The following ATP2B2 variants were observed in gnomAD, a reference collection of about 807,000 sequenced individuals.
ATP2B2 encodes plasma membrane calcium-transporting ATPase 2.
A neutral mutation model predicts 120.0 loss-of-function variants in ATP2B2; 15 were observed. The ratio of observed to expected loss-of-function variants is 0.12; its 90% CI spans 0.08 to 0.19. ATP2B2 has a LOEUF of 0.19. Among genes scored for constraint, ATP2B2 ranks in the 10% least tolerant of loss-of-function variants. The pLI, the probability that ATP2B2 is intolerant of heterozygous loss-of-function variation, is 1.00. For missense variants in ATP2B2, 1,045 were observed against 1,719.8 expected, an observed-to-expected ratio of 0.61 and a Z score of 6.94; for synonymous variants, 694 against 700.3, an observed-to-expected ratio of 0.99 and a Z score of 0.14.
At chr3:10,424,495 C>T (rs1332601838) in intron 2 of ATP2B2, among the ~76,000 whole-genome samples, 1 of 152,236 alleles carries the variant, frequency 6.6e-6, no homozygotes, top group East Asian at 1.9e-4. Flanking sequence ...ATTGGGAAAA[C>T]TTAGTCACCA....
intron 22 of ATP2B2, among the ~76,000 whole-genome samples, chr3:10,332,633 C>T (rs186380510): frequency 8.7e-4 from 133 of 152,224 alleles, no homozygotes; most frequent in Non-Finnish European, 1.4e-3. Flanking sequence ...AGGCTGTGGG[C>T]GTGGGCACTG....
intron 12 of ATP2B2, among the ~76,000 whole-genome samples, chr3:10,365,428 A>C (rs2061015794): frequency 6.6e-6 from 1 of 152,192 alleles, no homozygotes; most frequent in East Asian, 1.9e-4. Context: ...GAGGAGAGTG[A>C]GGTGGCTGTG....
rs1216212162 is a variant in ATP2B2 at position 10,328,487 on chromosome 3, C to T, written c.*327G>A. 3 of 359,166 alleles carry T rather than the reference C, an allele frequency of 8.4e-6. No homozygotes were observed. Among genetic ancestry groups the T allele is most frequent in the African/African-American group, 6.2e-5 (3 of 48,242 alleles). 22.2% of individuals were successfully genotyped at this position (359,166 alleles called of 1,614,324 possible). A position where few individuals can be genotyped will look rare whatever the true frequency, so the allele number is the denominator to read the frequency against. ...GAGGATTGAAAGTGTACAGTACATT[C>T]ATGCGGGGGACGTGGTGGCTGGGCG... On this transcript the variant is annotated 3_prime_UTR_variant, in exon 23 of 23. Coordinates refer to ENST00000360273, the MANE Select transcript of ATP2B2 (RefSeq NM_001001331.4).
intron 2 of ATP2B2, among the ~76,000 whole-genome samples, chr3:10,417,069 C>A (rs635773): frequency 2.1e-5 from 2 of 93,362 alleles, no homozygotes; most frequent in African/African-American, 1.3e-4. Flanking sequence ...CAGACGGCGG[C>A]GGGGGGGGGC....
At chr3:10,494,430 T>A (rs1325751176) in intron 1 of ATP2B2, among the ~76,000 whole-genome samples, 1 of 152,118 alleles carries the variant, frequency 6.6e-6, no homozygotes, top group Non-Finnish European at 1.5e-5. Flanking sequence ...GTCACATAGC[T>A]CGGAAGTGTT....
chr3:10,635,094 T>C lies in ATP2B2; in HGVS notation c.-459-15133A>G, dbSNP rs998985855. The stretch of plus-strand genomic sequence containing the variant: ...TCCCTGGGAATTGGAATGGTATCAC[T>C]GGCCTCTCTGTGGGAGACAATACGG... On this transcript the variant is annotated intron_variant, in intron 1 of 21. Coordinates refer to the ATP2B2 transcript ENST00000646379. This position sits in a 1 kb window ranked among gnomAD's most constrained non-coding sequence, Gnocchi z 4.3. 2.0e-5 allele frequency among the ~76,000 whole-genome samples: 3 copies of C among 151,770 alleles called. No homozygotes were observed. The highest frequency in any genetic ancestry group is 4.8e-5 in the African/African-American group (2 of 41,348).
intron 1 of ATP2B2, among the ~76,000 whole-genome samples, chr3:10,681,535 C>G (rs1355262105): frequency 6.6e-6 from 1 of 152,242 alleles, no homozygotes; most frequent in Non-Finnish European, 1.5e-5. Flanking sequence ...CCTGTTCATG[C>G]AAACATTCAC....
intron 1 of ATP2B2, among the ~76,000 whole-genome samples, chr3:10,650,585 C>T (rs111849909): frequency 0.031 from 4,666 of 152,278 alleles, 213 homozygotes; most frequent in African/African-American, 0.1. Flanking sequence ...ATGTTAATCT[C>T]CAAGAAATGG....
intron 1 of ATP2B2, among the ~76,000 whole-genome samples, chr3:10,492,213 G>T (rs1456503150): frequency 1.3e-5 from 2 of 151,896 alleles, no homozygotes; most frequent in Non-Finnish European, 2.9e-5. Context: ...CTTCTCCGGG[G>T]TGCTCTGCTG....
At chr3:10,598,846 A>G (rs1447388581) in intron 2 of ATP2B2, among the ~76,000 whole-genome samples, 1 of 152,278 alleles carries the variant, frequency 6.6e-6, no homozygotes, top group Non-Finnish European at 1.5e-5. Flanking sequence ...GATGACCTGC[A>G]TGCAGTCCCC....
chr3:10,385,023 A>C (rs2061633437), intron 8 of ATP2B2, among the ~76,000 whole-genome samples: 1 of 152,148 alleles, frequency 6.6e-6, no homozygotes. Context: ...CTCCATGGGG[A>C]GTCAAGGGCT....
chr3:10,449,307 C>G (rs2063947085), intron 2 of ATP2B2, 38 bp downstream of exon 2: 1 of 1,612,610 alleles, frequency 6.2e-7, no homozygotes, highest in Non-Finnish European at 8.5e-7. Context: ...TGGTGGCCAC[C>G]TAGGCTGCAG....
chr3:10,415,128 G>C (rs943365114), intron 2 of ATP2B2, among the ~76,000 whole-genome samples: 7 of 152,204 alleles, frequency 4.6e-5, no homozygotes, highest in Non-Finnish European at 8.8e-5. Flanking sequence ...TCAAATCCCA[G>C]CTCTGGGTGA....
intron 17 of ATP2B2, 42 bp from the exon 18 acceptor site, chr3:10,345,617 G>A (rs754125246): frequency 6.3e-7 from 1 of 1,592,562 alleles, no homozygotes; most frequent in East Asian, 2.2e-5. Context: ...GTGGCCGGGG[G>A]AGGTGACCAC....
chr3:10,606,331 G>A (rs919732635), intron 2 of ATP2B2, among the ~76,000 whole-genome samples: 5 of 152,096 alleles, frequency 3.3e-5, no homozygotes, highest in African/African-American at 1.2e-4. Flanking sequence ...GTGAGAGGAG[G>A]CAATGCATGT....
At chr3:10,555,229 C>A (rs1372315989) in intron 2 of ATP2B2, among the ~76,000 whole-genome samples, 1 of 152,270 alleles carries the variant, frequency 6.6e-6, no homozygotes, top group Non-Finnish European at 1.5e-5. Context: ...CAGGCCCAGG[C>A]CCTGCTCTGT....
intron 1 of ATP2B2, among the ~76,000 whole-genome samples, chr3:10,463,552 A>G (rs940102465): frequency 4.6e-5 from 7 of 152,350 alleles, no homozygotes; most frequent in African/African-American, 1.4e-4. Flanking sequence ...GAGCAAATGG[A>G]GGCTTTGCAA....
At chr3:10,586,559 A>C (rs2068514237) in intron 2 of ATP2B2, among the ~76,000 whole-genome samples, 1 of 152,166 alleles carries the variant, frequency 6.6e-6, no homozygotes, top group South Asian at 2.1e-4. Context: ...ATTTGGCACT[A>C]GTCTGTCTCC....
At position 10,449,814 on chromosome 3, in the gene ATP2B2, C is replaced by A. The variant is rs920039167; in HGVS notation, c.-271G>T. ...CCCAGGAGTCTCCATTCAGTGGGGC[C>A]CATGCTGCTCCCTGGAACTGGCATC... is the stretch of plus-strand genomic sequence containing the variant. On this transcript the variant is annotated 5_prime_UTR_variant, in exon 2 of 23. Transcript: ENST00000360273. The A allele has an allele frequency of 7.7e-6, 4 of 517,554 alleles. No individual in the cohort carries two copies. The highest frequency in any genetic ancestry group is 7.7e-5 in the African/African-American group (4 of 51,916). 32.1% of individuals were successfully genotyped at this position (517,554 alleles called of 1,614,324 possible).
Sources: gnomAD v4.1 joint callset for allele counts (sites outside exome capture counted in the v4.1 genomes callset) on GRCh38, gnomAD v4.1.1 for gene constraint, Gnocchi (gnomAD v3.1) non-coding constraint, MANE v1.5 for transcripts, NCBI Gene and HGNC (gene_info 2026-07-23, HGNC 2026-07-21) for gene names.